Variants in SGCZ observed in about 807,000 individuals in gnomAD.
SGCZ encodes sarcoglycan zeta.
Under a neutral mutation model 41.3 loss-of-function variants are expected in SGCZ, and 40 were observed. The observed-to-expected ratio is 0.97, with a 90% confidence interval of 0.75 to 1.26. The LOEUF is 1.26. Among genes scored for constraint, SGCZ ranks in the 50% most tolerant of loss-of-function variants. The probability of loss-of-function intolerance (pLI) is 0.00; values close to 1 mark genes in which losing one functional copy is unlikely to be tolerated. For synonymous variants in SGCZ, 206 were observed against 137.5 expected (o/e 1.50, Z -3.49); for missense variants, 552 against 369.8 (o/e 1.49, Z -4.04).
chr8:15,028,692 C>A (rs1404315780), intron 1 of SGCZ, among the ~76,000 whole-genome samples: 1 of 152,068 alleles, frequency 6.6e-6, no homozygotes, highest in African/African-American at 2.4e-5. Flanking sequence ...ATTGATCTCA[C>A]AGATGACTCT....
chr8:14,220,143 A>G (rs2117118701), intron 4 of SGCZ, among the ~76,000 whole-genome samples: 1 of 152,312 alleles, frequency 6.6e-6, no homozygotes, highest in East Asian at 1.9e-4. Context: ...ATATAAACGT[A>G]CACCAAAAGG....
chr8:15,035,152 GC>G (rs1355409486), intron 1 of SGCZ, among the ~76,000 whole-genome samples: 1 of 151,818 alleles, frequency 6.6e-6, no homozygotes, highest in East Asian at 1.9e-4. Context: ...ATAATAACTT[GC>G]TAGGGGAAAC....
chr8:14,821,825 G>C (rs376348624), intron 1 of SGCZ, among the ~76,000 whole-genome samples: 1 of 151,924 alleles, frequency 6.6e-6, no homozygotes, highest in African/African-American at 2.4e-5. Flanking sequence ...CACAATAAAG[G>C]CCATACGGGA....
chr8:15,225,463 A>G (rs1048615673), intron 1 of SGCZ, among the ~76,000 whole-genome samples: 1 of 152,182 alleles, frequency 6.6e-6, no homozygotes, highest in African/African-American at 2.4e-5. Flanking sequence ...TTAGTCGTTC[A>G]TTGAAGTTAT....
intron 7 of SGCZ, among the ~76,000 whole-genome samples, chr8:14,093,323 G>A (rs1015108374): frequency 1.3e-5 from 2 of 151,986 alleles, no homozygotes; most frequent in African/African-American, 4.8e-5. Flanking sequence ...GAACTTTTAA[G>A]AAACGCAAAT....
chr8:14,998,479 A>T (rs1382509207), intron 1 of SGCZ, among the ~76,000 whole-genome samples: 6 of 152,158 alleles, frequency 3.9e-5, no homozygotes, highest in Non-Finnish European at 2.9e-5. Flanking sequence ...GGCATCACTA[A>T]TTACCTATAT....
intron 7 of SGCZ, 123 bp downstream of exon 7, chr8:14,102,253 A>G (rs1802053105): frequency 5.4e-6 from 6 of 1,115,932 alleles, no homozygotes; most frequent in African/African-American, 1.6e-5. Flanking sequence ...TTCCTAAGTT[A>G]CAACTCCATT....
intron 2 of SGCZ, among the ~76,000 whole-genome samples, chr8:14,449,225 G>T (rs1800520937): frequency 6.6e-6 from 1 of 152,174 alleles, no homozygotes; most frequent in South Asian, 2.1e-4. Context: ...TTCATGTTAT[G>T]CTATAGTAAT....
chr8:14,990,422 G>A lies in SGCZ; in HGVS notation c.39+247163C>T, dbSNP rs141811605. ...CCAAGCTGCATCTGTACTTTCAGCC[G>A]CTCCCCATCGCTGGGATTACTGCCT... is the stretch of plus-strand genomic sequence containing the variant. On this transcript the variant is annotated intron_variant, in intron 1 of 7. Coordinates refer to ENST00000382080, the MANE Select transcript of SGCZ (RefSeq NM_139167.4). Among the ~76,000 whole-genome samples, 1,470 of 152,158 alleles carry A rather than the reference G, an allele frequency of 9.7e-3. 14 individuals are homozygous for A. The highest frequency in any genetic ancestry group is 0.025 in the South Asian group (120 of 4,824).
chr8:14,532,352 G>A (rs1015502885), intron 2 of SGCZ, among the ~76,000 whole-genome samples: 1 of 152,004 alleles, frequency 6.6e-6, no homozygotes, highest in Admixed American at 6.6e-5. Context: ...GCTAACTAGT[G>A]GTCTTTAGCA....
chr8:14,830,328 C>T (rs1379727348), intron 1 of SGCZ, among the ~76,000 whole-genome samples: 1 of 151,894 alleles, frequency 6.6e-6, no homozygotes, highest in Non-Finnish European at 1.5e-5. Flanking sequence ...AAGCTAACTA[C>T]ATGTTGATCA....
At chr8:14,184,525 G>A (rs1247550536) in intron 4 of SGCZ, among the ~76,000 whole-genome samples, 3 of 152,244 alleles carry the variant, frequency 2.0e-5, no homozygotes, top group East Asian at 3.9e-4. Flanking sequence ...TATCAAAGAA[G>A]ATTATTATAT....
At chr8:14,753,643 A>T (rs1799567420) in intron 1 of SGCZ, among the ~76,000 whole-genome samples, 1 of 152,220 alleles carries the variant, frequency 6.6e-6, no homozygotes, top group Non-Finnish European at 1.5e-5. Context: ...AGAATATCAT[A>T]TTGAGTTGCA....
At chr8:15,017,275 G>A (rs1353922211) in intron 1 of SGCZ, among the ~76,000 whole-genome samples, 1 of 152,062 alleles carries the variant, frequency 6.6e-6, no homozygotes, top group Non-Finnish European at 1.5e-5. Flanking sequence ...ATTCGATAAT[G>A]CATGAAAATG....
chr8:14,436,977 T>C lies in SGCZ; in HGVS notation c.235-112773A>G, dbSNP rs116889796. Among the ~76,000 whole-genome samples the C allele has an allele frequency of 2.1e-4, 32 of 152,292 alleles. No individual in the cohort carries two copies. In the East Asian group the frequency reaches 5.2e-3, roughly 25 times the overall value. On this transcript the variant is annotated intron_variant, in intron 2 of 7. Coordinates refer to ENST00000382080, the MANE Select transcript of SGCZ (RefSeq NM_139167.4). ...TTGATGAAGATGAAAATCCAAACTT[T>C]TAAGCAAAAGCCAGAATTTTGAAAT...
intron 1 of SGCZ, among the ~76,000 whole-genome samples, chr8:14,639,042 T>TTTTC (rs1488568927): frequency 8.5e-6 from 1 of 118,014 alleles, no homozygotes; most frequent in East Asian, 2.2e-4. Context: ...TGGAATCTTT[T>TTTTC]TTTTTTTTTT....
chr8:15,229,107 G>A (rs1194357809), intron 1 of SGCZ, among the ~76,000 whole-genome samples: 7 of 152,022 alleles, frequency 4.6e-5, no homozygotes, highest in East Asian at 3.9e-4. Flanking sequence ...TGGGAGAATC[G>A]CTTGAACCCA....
intron 2 of SGCZ, among the ~76,000 whole-genome samples, chr8:14,325,462 G>T (rs1802058714): frequency 6.8e-6 from 1 of 146,356 alleles, no homozygotes; most frequent in South Asian, 2.1e-4. Context: ...TGTAAAATTG[G>T]TTATATATAT....
intron 5 of SGCZ, among the ~76,000 whole-genome samples, chr8:14,144,809 T>C (rs144342782): frequency 1.5e-4 from 23 of 152,060 alleles, no homozygotes; most frequent in African/African-American, 5.1e-4. Flanking sequence ...ATAAGAGTCC[T>C]TGGGCCTTAA....
Sources: gnomAD v4.1 joint callset for allele counts (sites outside exome capture counted in the v4.1 genomes callset) on GRCh38, gnomAD v4.1.1 for gene constraint, MANE v1.5 for transcripts, NCBI Gene and HGNC (gene_info 2026-07-23, HGNC 2026-07-21) for gene names.